The following HHAT variants were observed in gnomAD, a reference collection of about 807,000 sequenced individuals.
HHAT encodes hedgehog acyltransferase.
In HHAT, 47 loss-of-function variants were observed where a neutral mutation model predicts 70.8. The observed-to-expected ratio is 0.66, with a 90% CI of 0.53 to 0.85. HHAT has a LOEUF of 0.85. HHAT is among the 40% of genes least tolerant of loss of function. HHAT has a pLI of 0.00. For missense variants in HHAT, 609 were observed against 604.8 expected, an observed-to-expected ratio of 1.01 and a Z score of -0.07; for synonymous variants, 228 against 247.6, an observed-to-expected ratio of 0.92 and a Z score of 0.74.
At chr1:210,425,799 G>C (rs142270513) in intron 7 of HHAT, among the ~76,000 whole-genome samples, 88 of 151,950 alleles carry the variant, frequency 5.8e-4, no homozygotes, top group African/African-American at 2.1e-3. Context: ...TGTTCTTTTT[G>C]CTTAGGATTG....
intron 9 of HHAT, among the ~76,000 whole-genome samples, chr1:210,560,492 A>C (rs2095611348): frequency 6.6e-6 from 1 of 152,042 alleles, no homozygotes; most frequent in African/African-American, 2.4e-5. Context: ...AGAACCTTGT[A>C]AAGGGATGAC....
chr1:210,484,679 C>T (rs2094448329), intron 8 of HHAT, among the ~76,000 whole-genome samples: 1 of 152,164 alleles, frequency 6.6e-6, no homozygotes, highest in Non-Finnish European at 1.5e-5. Context: ...ACCAGTGGCA[C>T]TAGGCATTCT....
At chr1:210,381,899 C>T (rs2090667841) in intron 3 of HHAT, among the ~76,000 whole-genome samples, 1 of 152,186 alleles carries the variant, frequency 6.6e-6, no homozygotes, top group African/African-American at 2.4e-5. Context: ...AGTGCCTTGG[C>T]ACTTGGCTTG....
At chr1:210,403,771 A>G (rs2092195172) in intron 5 of HHAT, among the ~76,000 whole-genome samples, 1 of 152,196 alleles carries the variant, frequency 6.6e-6, no homozygotes, top group Admixed American at 6.5e-5. Context: ...AAAATACTTC[A>G]TAATTTTACT....
intron 10 of HHAT, among the ~76,000 whole-genome samples, chr1:210,593,688 T>C (rs1485480520): frequency 6.6e-6 from 1 of 152,194 alleles, no homozygotes. Flanking sequence ...ATTAGGTCCA[T>C]TTGACCTGTG....
chr1:210,605,019 C>G (rs1665095466), intron 10 of HHAT, among the ~76,000 whole-genome samples: 1 of 151,260 alleles, frequency 6.6e-6, no homozygotes, highest in Non-Finnish European at 1.5e-5. Context: ...GACTCAACAA[C>G]AACAACAACA....
Position 210,404,584 on chromosome 1 carries a change from ACCT to A in HHAT, c.593_595del (p.Ser198del). ...CTGGCAGCAGCTGCCTGCTGCATCG[ACCT>A]CCTACTCCTTTCCCTGGATGCTGGC... On this transcript the variant is annotated inframe_deletion, in exon 6 of 12. Coordinates refer to ENST00000261458, the MANE Select transcript of HHAT (RefSeq NM_018194.6). 1 of 1,613,530 alleles carries A rather than the reference ACCT, an allele frequency of 6.2e-7. No homozygotes were observed.
chr1:210,475,591 T>C (rs921959459), intron 8 of HHAT, among the ~76,000 whole-genome samples: 2 of 152,172 alleles, frequency 1.3e-5, no homozygotes, highest in Non-Finnish European at 1.5e-5. Context: ...GACTGAATAA[T>C]TTCATCCTCT....
At position 210,414,749 on chromosome 1, in the gene HHAT, G is replaced by A. The variant is rs148111270; in HGVS notation, c.685-3405G>A. Among the ~76,000 whole-genome samples the A allele has an allele frequency of 1.2e-3, 187 of 152,264 alleles. 1 individual carries two copies. The highest frequency in any genetic ancestry group is 4.1e-3 in the African/African-American group (171 of 41,540). On this transcript the variant is annotated intron_variant, in intron 6 of 11. Coordinates refer to ENST00000261458, the MANE Select transcript of HHAT (RefSeq NM_018194.6). ...AAGAACCAATTTGGCTGGGTGTGATGGCTCACACCTGTAATCCTAGCGCTT... is the reference window on the plus strand; with the variant it reads ...AAGAACCAATTTGGCTGGGTGTGATAGCTCACACCTGTAATCCTAGCGCTT...
intron 11 of HHAT, among the ~76,000 whole-genome samples, chr1:210,673,354 TA>T (rs538594507): frequency 1.4e-4 from 21 of 147,688 alleles, no homozygotes; most frequent in Middle Eastern, 3.5e-3. Context: ...ACTACAAGTT[TA>T]AAAAAAAAAA....
intron 11 of HHAT, among the ~76,000 whole-genome samples, chr1:210,649,211 G>T (rs1002098133): frequency 6.6e-6 from 1 of 152,194 alleles, no homozygotes; most frequent in Admixed American, 6.5e-5. Context: ...ATGGTGTTTG[G>T]AATCTCATTC....
At chr1:210,545,612 T>A (rs1008253768) in intron 9 of HHAT, among the ~76,000 whole-genome samples, 4 of 152,066 alleles carry the variant, frequency 2.6e-5, no homozygotes, top group African/African-American at 9.7e-5. Context: ...AACTTTTGTA[T>A]TTTTTGTAGA....
intron 2 of HHAT, among the ~76,000 whole-genome samples, chr1:210,358,515 C>T (rs1365784548): frequency 1.3e-5 from 2 of 152,186 alleles, no homozygotes; most frequent in African/African-American, 2.4e-5. Context: ...AAAGCCACCC[C>T]CTTTCTGTAG....
intron 8 of HHAT, among the ~76,000 whole-genome samples, chr1:210,475,990 A>G (rs577835255): frequency 8.1e-4 from 124 of 152,384 alleles, no homozygotes; most frequent in African/African-American, 2.9e-3. Context: ...CAGAGCTGGT[A>G]TGTGCTAACT....
intron 3 of HHAT, among the ~76,000 whole-genome samples, chr1:210,364,423 A>T (rs2088684040): frequency 6.6e-6 from 1 of 151,602 alleles, no homozygotes; most frequent in Admixed American, 6.6e-5. Flanking sequence ...AAAAAAGATG[A>T]TTTTTTTTTC....
chr1:210,633,020 T>G (rs958579024), intron 11 of HHAT, among the ~76,000 whole-genome samples: 1 of 152,192 alleles, frequency 6.6e-6, no homozygotes, highest in African/African-American at 2.4e-5. Context: ...CTGTCCCTGC[T>G]GGCTCCTTGA....
At chr1:210,394,229 CTTTTTTTTT>C (rs59554789) in intron 4 of HHAT, among the ~76,000 whole-genome samples, 131 of 116,144 alleles carry the variant, frequency 1.1e-3, no homozygotes, top group African/African-American at 2.2e-3. Flanking sequence ...CATGATCTAT[CTTTTTTTTT>C]TTTTTTTTTT....
intron 10 of HHAT, among the ~76,000 whole-genome samples, chr1:210,601,516 C>G (rs1342686287): frequency 1.3e-5 from 2 of 152,020 alleles, no homozygotes; most frequent in East Asian, 3.9e-4. Context: ...AAAATGGTAC[C>G]CTTTCTCGAC....
chr1:210,672,721 A>G (rs1045028821), intron 11 of HHAT, among the ~76,000 whole-genome samples: 17 of 152,226 alleles, frequency 1.1e-4, no homozygotes, highest in Non-Finnish European at 2.5e-4. Flanking sequence ...TTAAGTAACA[A>G]ATACTCAGCA....
Sources: gnomAD v4.1 joint callset for allele counts (sites outside exome capture counted in the v4.1 genomes callset) on GRCh38, gnomAD v4.1.1 for gene constraint, MANE v1.5 for transcripts, NCBI Gene and HGNC (gene_info 2026-07-23, HGNC 2026-07-21) for gene names.